Variants in RERE observed in about 807,000 individuals in gnomAD.
The protein encoded by RERE is arginine-glutamic acid dipeptide repeats.
In RERE, 40 loss-of-function variants were observed where a neutral mutation model predicts 146.1. The observed-to-expected ratio is 0.27, with a 90% CI of 0.21 to 0.36. The LOEUF (loss-of-function observed/expected upper bound fraction) is 0.36. RERE is among the 10% of genes least tolerant of loss of function. The probability of loss-of-function intolerance (pLI) is 1.00; values close to 1 mark genes in which losing one functional copy is unlikely to be tolerated. For synonymous variants in RERE, 1,003 were observed against 866.0 expected (o/e 1.16, Z -2.78); for missense variants, 1,933 against 2,138.7 (o/e 0.90, Z 1.90).
At chr1:8,381,345 AC>A (rs1371024102) in intron 12 of RERE, among the ~76,000 whole-genome samples, 3 of 152,172 alleles carry the variant, frequency 2.0e-5, no homozygotes, top group African/African-American at 7.2e-5. Context: ...AGTGCCTGAC[AC>A]AAGATGGGTG....
intron 7 of RERE, chr1:8,512,581 C>G (rs1645356060): frequency 6.6e-6 from 1 of 152,614 alleles, no homozygotes; most frequent in African/African-American, 2.4e-5. Context: ...CTCCAGCACC[C>G]TTCTTCTCGG....
intron 4 of RERE, among the ~76,000 whole-genome samples, chr1:8,575,407 A>G (rs1646279116): frequency 6.8e-6 from 1 of 146,388 alleles, no homozygotes; most frequent in South Asian, 2.1e-4. Flanking sequence ...TTTTAAAGAC[A>G]CTGTTTTGCT....
At chr1:8,394,068 GA>G (rs1054808925) in intron 12 of RERE, among the ~76,000 whole-genome samples, 21 of 152,276 alleles carry the variant, frequency 1.4e-4, no homozygotes, top group African/African-American at 4.6e-4. Flanking sequence ...CCTGAGACCA[GA>G]AAGACAAGAT....
chr1:8,395,474 CAAAAA>C (rs36088351), intron 12 of RERE, among the ~76,000 whole-genome samples: 1 of 110,184 alleles, frequency 9.1e-6, no homozygotes, highest in Non-Finnish European at 2.0e-5. Flanking sequence ...GGCTCTGTCT[CAAAAA>C]AAAAAAAAAA....
intron 1 of RERE, among the ~76,000 whole-genome samples, chr1:8,704,945 G>A (rs1639527558): frequency 1.3e-5 from 2 of 152,176 alleles, no homozygotes; most frequent in Non-Finnish European, 2.9e-5. Context: ...GGGGACCTGT[G>A]ACTTGAAAAT....
chr1:8,441,246 T>C (rs1295930475), intron 11 of RERE, among the ~76,000 whole-genome samples: 3 of 152,164 alleles, frequency 2.0e-5, no homozygotes, highest in African/African-American at 4.8e-5. Context: ...TGTAAGACCA[T>C]AGTCCGCAAA....
intron 4 of RERE, among the ~76,000 whole-genome samples, chr1:8,570,063 G>T (rs1307463122): frequency 6.6e-6 from 1 of 152,146 alleles, no homozygotes; most frequent in African/African-American, 2.4e-5. Context: ...TTCTGGCTGG[G>T]TGCGGTGGCT....
At chr1:8,479,431 A>T (rs2124174702) in intron 10 of RERE, among the ~76,000 whole-genome samples, 1 of 152,276 alleles carries the variant, frequency 6.6e-6, no homozygotes, top group Non-Finnish European at 1.5e-5. Context: ...CCTGGAACCT[A>T]TGAATGTGAC....
intron 4 of RERE, among the ~76,000 whole-genome samples, chr1:8,604,803 T>C (rs1646682102): frequency 6.6e-6 from 1 of 152,224 alleles, no homozygotes; most frequent in African/African-American, 2.4e-5. Context: ...AAATGCATTC[T>C]GAAGTCCAAA....
At chr1:8,391,634 C>A (rs1642885492) in intron 12 of RERE, among the ~76,000 whole-genome samples, 1 of 152,168 alleles carries the variant, frequency 6.6e-6, no homozygotes, top group African/African-American at 2.4e-5. Context: ...TAAGTTAGGT[C>A]CCCCTGTTAT....
chr1:8,748,408 A>T (rs766035186), intron 1 of RERE, among the ~76,000 whole-genome samples: 1 of 152,100 alleles, frequency 6.6e-6, no homozygotes, highest in Non-Finnish European at 1.5e-5. Flanking sequence ...CCCATCTCTA[A>T]ACTCAGTTAC....
chr1:8,628,349 T>G (rs1646998430), intron 2 of RERE, among the ~76,000 whole-genome samples: 2 of 151,238 alleles, frequency 1.3e-5, no homozygotes, highest in South Asian at 4.2e-4. Context: ...AAGACTGGAG[T>G]AATAAGAACT....
intron 3 of RERE, among the ~76,000 whole-genome samples, chr1:8,615,738 A>G (rs1055322746): frequency 2.6e-5 from 4 of 152,186 alleles, no homozygotes; most frequent in Non-Finnish European, 5.9e-5. Flanking sequence ...AGATTTTAAT[A>G]TATTTCATTA....
At chr1:8,472,520 A>G (rs969138939) in intron 10 of RERE, among the ~76,000 whole-genome samples, 2 of 152,266 alleles carry the variant, frequency 1.3e-5, no homozygotes, top group Non-Finnish European at 2.9e-5. Flanking sequence ...AACATCTTAC[A>G]GCTTCACTTT....
chr1:8,783,991 C>T (rs979315709), intron 1 of RERE, among the ~76,000 whole-genome samples: 7 of 152,176 alleles, frequency 4.6e-5, no homozygotes, highest in Admixed American at 1.3e-4. Context: ...CCCTGCCAAC[C>T]GACACCTTGA....
intron 8 of RERE, among the ~76,000 whole-genome samples, chr1:8,506,744 T>A (rs1357603820): frequency 6.6e-6 from 1 of 152,230 alleles, no homozygotes; most frequent in Non-Finnish European, 1.5e-5. Context: ...AAATTTTCCT[T>A]GCTCCTAAGG....
At chr1:8,700,032 C>T (rs1000717190) in intron 1 of RERE, among the ~76,000 whole-genome samples, 1 of 152,162 alleles carries the variant, frequency 6.6e-6, no homozygotes, top group Admixed American at 6.5e-5. Flanking sequence ...ATAGCCCAGG[C>T]GCAGTGGCTC....
intron 7 of RERE, among the ~76,000 whole-genome samples, chr1:8,533,186 AC>A (rs1645680324): frequency 1.0e-5 from 1 of 98,276 alleles, no homozygotes; most frequent in Admixed American, 1.1e-4. Context: ...TACATTGCCA[AC>A]CTTGAAACAA....
chr1:8,733,101 G>C (rs943480404), intron 1 of RERE, among the ~76,000 whole-genome samples: 1 of 152,002 alleles, frequency 6.6e-6, no homozygotes, highest in Non-Finnish European at 1.5e-5. Context: ...GATTACAGGC[G>C]TGAGCCACCA....
Sources: allele counts gnomAD v4.1 joint callset (sites outside exome capture counted in the v4.1 genomes callset), GRCh38; gene constraint gnomAD v4.1.1; transcripts MANE v1.5; gene names NCBI Gene and HGNC (gene_info 2026-07-23, HGNC 2026-07-21).